Variants in PCID2 observed in about 807,000 individuals in gnomAD.
The protein encoded by PCID2 is PCI domain containing 2, also known as PCI domain-containing protein 2.
PCID2 carries 41 observed loss-of-function variants against 61.3 expected under a neutral mutation model. That is an observed-to-expected ratio of 0.67 (90% CI 0.52 to 0.87). The LOEUF (loss-of-function observed/expected upper bound fraction) is 0.87. PCID2 is among the 40% of genes least tolerant of loss of function. PCID2 has a pLI of 0.00. For missense variants in PCID2, 392 were observed against 493.4 expected, an observed-to-expected ratio of 0.79 and a Z score of 1.95; for synonymous variants, 187 against 177.8, an observed-to-expected ratio of 1.05 and a Z score of -0.41.
chr13:113,187,696 G>A (rs2038239150), intron 7 of PCID2: 1 of 152,104 alleles, frequency 6.6e-6, no homozygotes, highest in Non-Finnish European at 1.5e-5. Flanking sequence ...AATTTGAATT[G>A]GATTGTCTTT....
chr13:113,178,000 T>C lies in PCID2; in HGVS notation c.*198A>G. ...GTCTGTGAAAAAGGAATTCCAGGTT[T>C]TCATCAGGCTGAAATTAGTTACAAA... On this transcript the variant is annotated 3_prime_UTR_variant, in exon 14 of 14. Coordinates refer to ENST00000337344, the MANE Select transcript of PCID2 (RefSeq NM_001127202.4). 1 of 449,038 alleles carries C rather than the reference T, an allele frequency of 2.2e-6. No individual in the cohort carries two copies. Among genetic ancestry groups the C allele is most frequent in the South Asian group, 2.8e-5 (1 of 35,346 alleles). 27.8% of individuals were successfully genotyped at this position (449,038 alleles called of 1,614,324 possible).
chr13:113,169,339 A>G, the PCID2 span, among the ~76,000 whole-genome samples: 1 of 152,170 alleles, frequency 6.6e-6, no homozygotes, highest in Non-Finnish European at 1.5e-5. Context: ...TCTCTACTTA[A>G]CTTTTTGAAC....
chr13:113,171,526 G>A, the PCID2 span: 27 of 1,603,896 alleles, frequency 1.7e-5, no homozygotes, highest in Non-Finnish European at 2.3e-5. The surrounding 1 kb of genome is among the most constrained non-coding windows in gnomAD (Gnocchi z 5.1). Flanking sequence ...TCCCTGAGAA[G>A]CTCGTTTGAG....
At chr13:113,191,232 C>CT (rs1287243210) in intron 6 of PCID2, among the ~76,000 whole-genome samples, 2 of 151,522 alleles carry the variant, frequency 1.3e-5, no homozygotes, top group Non-Finnish European at 1.5e-5. Flanking sequence ...CAGGGTCTCA[C>CT]TTTGTTGCTC....
chr13:113,196,975 C>T (rs1237733471), intron 4 of PCID2: 3 of 1,356,970 alleles, frequency 2.2e-6, no homozygotes, highest in South Asian at 2.3e-5. Context: ...TTCTTCCTTA[C>T]TAAGTACTGC....
At chr13:113,190,727 A>G in intron 7 of PCID2, 145 bp downstream of exon 7, 1 of 460,976 alleles carries the variant, frequency 2.2e-6, no homozygotes, top group Non-Finnish European at 3.8e-6. Flanking sequence ...CAACTTTTTA[A>G]AGCAAAAATA....
At chr13:113,171,763 C>T in the PCID2 span, 7 of 1,611,946 alleles carry the variant, frequency 4.3e-6, no homozygotes, top group East Asian at 1.1e-4. This position sits in a 1 kb window ranked among gnomAD's most constrained non-coding sequence, Gnocchi z 5.1. Context: ...AGAAAGACTT[C>T]GCTGAGCACC....
chr13:113,207,994 C>T, intron 1 of PCID2: 2 of 1,584,552 alleles, frequency 1.3e-6, no homozygotes, highest in Non-Finnish European at 1.7e-6. Context: ...TTACAAGTGT[C>T]CATCTTTTAA....
chr13:113,189,550 T>C (rs1477958930), intron 7 of PCID2, among the ~76,000 whole-genome samples: 1 of 152,160 alleles, frequency 6.6e-6, no homozygotes, highest in East Asian at 1.9e-4. Flanking sequence ...CTAAATCTCA[T>C]AAATAAATGT....
At chr13:113,165,125 C>CA in the PCID2 span, 5 of 1,610,460 alleles carry the variant, frequency 3.1e-6, no homozygotes, top group Non-Finnish European at 4.2e-6. Flanking sequence ...TGGCAGGTAA[C>CA]AGAGCGCTCT....
the PCID2 span, chr13:113,172,058 A>AC: frequency 3.1e-6 from 5 of 1,612,936 alleles, no homozygotes; most frequent in Non-Finnish European, 4.2e-6. Context: ...GGTCCTTGTC[A>AC]CCAAGGTCTC....
the PCID2 span, among the ~76,000 whole-genome samples, chr13:113,168,614 G>A: frequency 6.6e-6 from 1 of 152,190 alleles, no homozygotes; most frequent in African/African-American, 2.4e-5. Flanking sequence ...CCTCTATCAT[G>A]GATTTTGAAT....
chr13:113,197,017 ACCC>A (rs1330963357), intron 4 of PCID2, 158 bp downstream of exon 4: 1 of 1,607,830 alleles, frequency 6.2e-7, no homozygotes, highest in East Asian at 2.2e-5. Context: ...AAATTTAAGT[ACCC>A]AAGTGAAAGA....
the PCID2 span, chr13:113,165,092 C>T: frequency 6.2e-7 from 1 of 1,612,702 alleles, no homozygotes; most frequent in South Asian, 1.1e-5. Context: ...GAGAAGCGTG[C>T]ACCGGATCTA....
At position 113,181,174 on chromosome 13, in the gene PCID2, T is replaced by C; in HGVS notation, c.742A>G (p.Lys248Glu). The change falls in exon 10 of 14, where the codon AAA becomes GAA. Residue 248 changes from lysine to glutamate, a missense_variant. Lys to Glu is a moderately conservative substitution (Grantham distance 56, BLOSUM62 1). Coordinates refer to ENST00000337344, the MANE Select transcript of PCID2 (RefSeq NM_001127202.4). Reference protein sequence around the residue: ...EHCHRSSQKNKRMILIYLLPV... With the variant: ...EHCHRSSQKNERMILIYLLPV... ...AGCAAATAGATCAGAATCATCCTTT[T>C]GTTCTTCTGACTAGAACGGTGACAA... 6.2e-7 allele frequency: 1 copy of C among 1,613,490 alleles called. No homozygotes were observed. The highest frequency in any genetic ancestry group is 1.1e-5 in the South Asian group (1 of 91,066).
At chr13:113,189,038 G>A (rs936496055) in intron 7 of PCID2, among the ~76,000 whole-genome samples, 1 of 152,088 alleles carries the variant, frequency 6.6e-6, no homozygotes, top group Admixed American at 6.6e-5. Flanking sequence ...TGGGTCATGG[G>A]GGTGGACCCC....
chr13:113,174,499 T>TA (rs2037160431), downstream of PCID2, among the ~76,000 whole-genome samples: 1 of 152,122 alleles, frequency 6.6e-6, no homozygotes, highest in African/African-American at 2.4e-5. Context: ...TGATGACTGT[T>TA]TTTCTTGTTT....
chr13:113,179,983 C>G lies in PCID2; in HGVS notation c.920G>C (p.Arg307Pro), dbSNP rs374529242. 1 of 1,614,018 alleles carries G rather than the reference C, an allele frequency of 6.2e-7. No homozygotes were observed. The highest frequency in any genetic ancestry group is 8.5e-7 in the Non-Finnish European group (1 of 1,179,942). ...ALAKHEAFFI[R>P]CGIFLILEKL... ...CTCCAGGATGAGGAAGATTCCGCAG[C>G]GAATGAAGAAGGCCTCGTGCTTCGC... Residue 307 changes from arginine to proline, a missense_variant, in exon 12 of 14, where the codon CGC (arginine) becomes CCC (proline). Transcript: ENST00000337344. This position sits in a 1 kb window ranked among gnomAD's most constrained non-coding sequence, Gnocchi z 4.3.
intron 6 of PCID2, among the ~76,000 whole-genome samples, chr13:113,194,103 G>A (rs943993572): frequency 6.6e-6 from 1 of 152,176 alleles, no homozygotes; most frequent in African/African-American, 2.4e-5. Context: ...CTTAGCCTCT[G>A]ACATCCACCT....
Sources: gnomAD v4.1 joint callset for allele counts (sites outside exome capture counted in the v4.1 genomes callset) on GRCh38, gnomAD v4.1.1 for gene constraint, Gnocchi (gnomAD v3.1) non-coding constraint, MANE v1.5 for transcripts, NCBI Gene and HGNC (gene_info 2026-07-23, HGNC 2026-07-21) for gene names.